The following NOTCH3 variants were observed in gnomAD, a reference collection of about 807,000 sequenced individuals.
NOTCH3 encodes the protein notch receptor 3.
A neutral mutation model predicts 213.3 loss-of-function variants in NOTCH3; 86 were observed. That is an observed-to-expected ratio of 0.40 (90% CI 0.34 to 0.48). The LOEUF (loss-of-function observed/expected upper bound fraction) is 0.48. Ranked by LOEUF, NOTCH3 falls within the 20% of genes least tolerant of loss-of-function variation. The pLI, the probability that NOTCH3 is intolerant of heterozygous loss-of-function variation, is 0.57. For synonymous variants in NOTCH3, 1,354 were observed against 1,355.9 expected, an observed-to-expected ratio of 1.00 and a Z score of 0.03; for missense variants, 2,783 against 3,272.6, an observed-to-expected ratio of 0.85 and a Z score of 3.65.
Position 15,177,857 on chromosome 19 carries a change from G to GGGCGCGAGC in NOTCH3, c.4062_4070dup (p.Leu1355_Pro1357dup). On this transcript the variant is annotated inframe_insertion, in exon 24 of 33. Coordinates refer to ENST00000263388, the MANE Select transcript of NOTCH3 (RefSeq NM_000435.3). ...CCTGCGCGCAAGCGCAGCGGAAGAA[G>GGGCGCGAGC]GGCGCGAGCGGCGCGGGGCGGCAGG... 8.2e-7 allele frequency: 1 copy of GGGCGCGAGC among 1,221,890 alleles called. No individual in the cohort carries two copies. Among genetic ancestry groups the GGGCGCGAGC allele is most frequent in the African/African-American group, 1.6e-5 (1 of 63,388 alleles). The allele number at this position is 1,221,890 out of a possible 1,614,324, so 75.7% of individuals were successfully genotyped here. A position where few individuals can be genotyped will look rare whatever the true frequency, so the allele number is the denominator to read the frequency against.
chr19:15,176,626 G>A (rs994376292), intron 24 of NOTCH3, among the ~76,000 whole-genome samples: 1 of 151,994 alleles, frequency 6.6e-6, no homozygotes, highest in African/African-American at 2.4e-5. Context: ...ACCCGGGCGC[G>A]GTGGCTCACA....
chr19:15,167,667 C>T (rs926397423), intron 28 of NOTCH3, among the ~76,000 whole-genome samples: 3 of 152,298 alleles, frequency 2.0e-5, no homozygotes, highest in African/African-American at 7.2e-5. Context: ...GATTCTCCTG[C>T]CTCAGCCTCT....
chr19:15,199,323 G>A (rs1213162131), intron 1 of NOTCH3, among the ~76,000 whole-genome samples: 1 of 152,208 alleles, frequency 6.6e-6, no homozygotes. Context: ...CTGTATGCAG[G>A]TTGTGTCTGT....
In NOTCH3 at chr19:15,161,001, CG is replaced by C. The variant is rs1599359239; in HGVS notation, c.6626del (p.Pro2209ArgfsTer37). ...GTPVSPQERP[P>X]PYLAVPGHGE... ...CATGTCCTGGGACTGCCAGGTAAGG[CG>C]GGGGCCGCTCCTGCGGGGAGACGGG... On this transcript the variant is annotated frameshift_variant, in exon 33 of 33. Coordinates refer to ENST00000263388, the MANE Select transcript of NOTCH3 (RefSeq NM_000435.3). LOFTEE classifies it low-confidence loss of function (END_TRUNC). 6.5e-7 allele frequency: 1 copy of C among 1,547,310 alleles called. No homozygotes were observed. Among genetic ancestry groups the C allele is most frequent in the Admixed American group, 1.9e-5 (1 of 52,292 alleles).
chr19:15,161,213 G>T lies in NOTCH3; in HGVS notation c.6415C>A (p.Gln2139Lys). The part of the protein sequence containing the change: ...AATATAVSLA[Q>K]LGGPGRAGLG... Reference sequence around the variant, plus strand: ...CCCGCCCGGCCTGGGCCACCAAGCTGTGCCAGAGACACTGCAGTGGCAGTG... The same window carrying T: ...CCCGCCCGGCCTGGGCCACCAAGCTTTGCCAGAGACACTGCAGTGGCAGTG... The change falls in exon 33 of 33, where the codon CAG (glutamine) becomes AAG (lysine). Residue 2139 changes from glutamine to lysine, a missense_variant. By Grantham distance (53) the Gln-to-Lys change is moderately conservative. Coordinates refer to ENST00000263388, the MANE Select transcript of NOTCH3 (RefSeq NM_000435.3). 1.3e-6 allele frequency: 2 copies of T among 1,545,672 alleles called. No homozygotes were observed. The highest frequency in any genetic ancestry group is 1.7e-6 in the Non-Finnish European group (2 of 1,151,198).
intron 24 of NOTCH3, among the ~76,000 whole-genome samples, chr19:15,176,175 T>C (rs2145412315): frequency 6.7e-6 from 1 of 148,450 alleles, no homozygotes; most frequent in Admixed American, 6.7e-5. Context: ...TTTTTTTTTT[T>C]TTTTTTTGGT....
intron 23 of NOTCH3, 186 bp downstream of exon 23, chr19:15,178,637 G>A (rs768526680): frequency 3.6e-5 from 23 of 637,048 alleles, no homozygotes; most frequent in Non-Finnish European, 5.4e-5. Flanking sequence ...CTCCCGCCTC[G>A]GCCTCCCAAT....
chr19:15,184,890 G>GA lies in NOTCH3; in HGVS notation c.2410+15dup, dbSNP rs747731340. 6.6e-5 allele frequency: 93 copies of GA among 1,403,598 alleles called. No homozygotes were observed. Among genetic ancestry groups the GA allele is most frequent in the Non-Finnish European group, 8.8e-5 (89 of 1,012,406 alleles). The allele number at this position is 1,403,598 out of a possible 1,614,324, so 86.9% of individuals were successfully genotyped here. On this transcript the variant is annotated intron_variant, in intron 15 of 32. Coordinates refer to ENST00000263388, the MANE Select transcript of NOTCH3 (RefSeq NM_000435.3). ...AGGAGATGGAGAGGAGGAGGGAAGAGAAGCAGGTGGCATACCTTGCCAGCC... is the reference window on the plus strand; with the variant it reads ...AGGAGATGGAGAGGAGGAGGGAAGAGAAAGCAGGTGGCATACCTTGCCAGCC...
At position 15,161,433 on chromosome 19, in the gene NOTCH3, C is replaced by T. The variant is rs1168179879; in HGVS notation, c.6195G>A (p.Arg2065=). 2 of 1,538,756 alleles carry T rather than the reference C, an allele frequency of 1.3e-6. No individual in the cohort carries two copies. Among genetic ancestry groups the T allele is most frequent in the Non-Finnish European group, 1.8e-6 (2 of 1,140,094 alleles). ...GCCCCAGCCCCGCCTTCCCGGGGGGCCTCCTGCTCTTCTTGGACCCCGACT... is the reference window on the plus strand; with the variant it reads ...GCCCCAGCCCCGCCTTCCCGGGGGGTCTCCTGCTCTTCTTGGACCCCGACT... ...AAQSGSKKSR[R]PPGKAGLGPQ... The change falls in exon 33 of 33, where the codon AGG becomes AGA. Residue 2065 remains arginine, a synonymous_variant. Coordinates refer to ENST00000263388, the MANE Select transcript of NOTCH3 (RefSeq NM_000435.3).
chr19:15,199,623 G>T (rs781721283), intron 1 of NOTCH3, among the ~76,000 whole-genome samples: 5 of 152,234 alleles, frequency 3.3e-5, no homozygotes, highest in Non-Finnish European at 5.9e-5. Context: ...AAGTCTGCGA[G>T]TGTGCTGTGT....
At chr19:15,183,411 C>T (rs57188471) in intron 16 of NOTCH3, among the ~76,000 whole-genome samples, 595 of 17,170 alleles carry the variant, frequency 0.035, 2 homozygotes, top group African/African-American at 0.12. Flanking sequence ...TTTGTTTGTT[C>T]GTTTTTGAGA....
At chr19:15,200,231 C>T (rs971288344) in intron 1 of NOTCH3, among the ~76,000 whole-genome samples, 1 of 151,444 alleles carries the variant, frequency 6.6e-6, no homozygotes, top group Non-Finnish European at 1.5e-5. Context: ...AGGGGGCGCG[C>T]GCGCCGCCGA....
chr19:15,191,638 G>A lies in NOTCH3; in HGVS notation c.822C>T (p.Asp274=), dbSNP rs755998957. The change falls in exon 6 of 33, where the codon GAC becomes GAT. Residue 274 remains aspartate, a synonymous_variant. Transcript: ENST00000263388. ...TGGGCTGCAGCTGACACTCATCCAC[G>A]TCCTCCGTGCAGAACTGGCCTGTGG... The part of the protein sequence containing the change: ...PEWTGQFCTE[D]VDECQLQPNA... 41 of 1,613,468 alleles carry A rather than the reference G, an allele frequency of 2.5e-5. No homozygotes were observed. Among genetic ancestry groups the A allele is most frequent in the African/African-American group, 5.3e-5 (4 of 74,924 alleles).
Position 15,161,152 on chromosome 19 carries a change from C to T in NOTCH3, c.6476G>A (p.Ser2159Asn). 1.3e-6 allele frequency: 2 copies of T among 1,539,352 alleles called. No homozygotes were observed. Among genetic ancestry groups the T allele is most frequent in the East Asian group, 4.8e-5 (2 of 41,276 alleles). ...GRQPPGGCVL[S>N]LGLLNPVAVP... ...AGCCACAGGGTTCAGCAGGCCCAGG[C>T]TGAGTACACATCCTCCAGGGGGCTG... is the stretch of plus-strand genomic sequence containing the variant. Residue 2159 changes from serine (S) to asparagine (N), a missense_variant, in exon 33 of 33, where the codon AGC becomes AAC. Ser to Asn is a conservative substitution (Grantham distance 46). This residue lies in a region of NOTCH3 where 441 missense variants were observed against 432.1 expected (regional missense o/e 1.02). Coordinates refer to ENST00000263388, the MANE Select transcript of NOTCH3 (RefSeq NM_000435.3).
intron 24 of NOTCH3, 83 bp downstream of exon 24, chr19:15,177,442 G>T: frequency 7.8e-7 from 1 of 1,288,430 alleles, no homozygotes; most frequent in Non-Finnish European, 1.1e-6. Context: ...TGGATGGGCA[G>T]GTGGAAAGAG....
Position 15,191,275 on chromosome 19 carries a change from C to G in NOTCH3, c.1036+149G>C, listed in dbSNP as rs549531229. ...TCTCAAACTCCTGACCCCAGTGATCCGCCCGCCTGGGCCTCCCAAAGTGCT... is the reference window on the plus strand; with the variant it reads ...TCTCAAACTCCTGACCCCAGTGATCGGCCCGCCTGGGCCTCCCAAAGTGCT... On this transcript the variant is annotated intron_variant, in intron 6 of 32. Transcript: ENST00000263388. 47 of 756,662 alleles carry G rather than the reference C, an allele frequency of 6.2e-5. No individual in the cohort carries two copies. In the East Asian group the frequency reaches 1.2e-3, roughly 19 times the overall value. 46.9% of individuals were successfully genotyped at this position (756,662 alleles called of 1,614,324 possible). A position where few individuals can be genotyped will look rare whatever the true frequency, so the allele number is the denominator to read the frequency against.
intron 19 of NOTCH3, among the ~76,000 whole-genome samples, chr19:15,180,458 C>CGA (rs2046830118): frequency 6.6e-6 from 1 of 152,096 alleles, no homozygotes; most frequent in Admixed American, 6.6e-5. Context: ...CACAGCAGCT[C>CGA]GGTCACACCC....
intron 15 of NOTCH3, 34 bp downstream of exon 15, chr19:15,184,863 AGAGGAGATG>A: frequency 9.2e-7 from 1 of 1,087,404 alleles, no homozygotes; most frequent in Non-Finnish European, 1.4e-6. Context: ...GGTAGGGGGC[AGAGGAGATG>A]GAGAGGAGGA....
chr19:15,171,431 C>A (rs1424952082), intron 25 of NOTCH3, among the ~76,000 whole-genome samples: 1 of 152,170 alleles, frequency 6.6e-6, no homozygotes, highest in East Asian at 1.9e-4. Flanking sequence ...CTCACTGTAG[C>A]CTTGACCTCC....
Sources: gnomAD v4.1 joint callset for allele counts (sites outside exome capture counted in the v4.1 genomes callset) on GRCh38, gnomAD v4.1.1 for gene constraint, gnomAD v4.1.1 regional missense constraint, MANE v1.5 for transcripts, NCBI Gene and HGNC (gene_info 2026-07-23, HGNC 2026-07-21) for gene names.